CRTC3: variants seen among roughly 807,000 people sequenced by gnomAD.
CRTC3 encodes the protein CREB regulated transcription coactivator 3.
In CRTC3, 26 loss-of-function variants were observed where a neutral mutation model predicts 74.5. That is an observed-to-expected ratio of 0.35 (90% CI 0.26 to 0.48). The LOEUF (loss-of-function observed/expected upper bound fraction) is 0.48, where lower values mean the gene tolerates loss of function less well. Ranked by LOEUF, CRTC3 falls within the 20% of genes least tolerant of loss-of-function variation. CRTC3 has a pLI of 0.99. For synonymous variants in CRTC3, 377 were observed against 325.8 expected (o/e 1.16, Z -1.69); for missense variants, 760 against 787.3 (o/e 0.97, Z 0.41).
At chr15:90,580,851 C>A (rs1184094128) in intron 2 of CRTC3, among the ~76,000 whole-genome samples, 1 of 152,084 alleles carries the variant, frequency 6.6e-6, no homozygotes. Context: ...GGGACCAGTT[C>A]TTCCATTTTT....
At chr15:90,558,203 C>G (rs1332037358) in intron 2 of CRTC3, among the ~76,000 whole-genome samples, 1 of 152,144 alleles carries the variant, frequency 6.6e-6, no homozygotes, top group East Asian at 1.9e-4. Context: ...AAAAATGTAT[C>G]TAGAATCTGA....
At chr15:90,605,246 T>C (rs1037509256) in intron 5 of CRTC3, among the ~76,000 whole-genome samples, 2 of 152,168 alleles carry the variant, frequency 1.3e-5, no homozygotes. Context: ...AGAGAGACGC[T>C]GTCTCAAAAT....
intron 11 of CRTC3, chr15:90,634,706 G>A (rs1034824214): frequency 2.9e-5 from 20 of 691,294 alleles, no homozygotes; most frequent in Non-Finnish European, 4.7e-5. Flanking sequence ...CGGAGTATGA[G>A]ACTGAGGCGA....
Position 90,630,756 on chromosome 15 carries a change from ATTTTTTTTTTT to A in CRTC3, c.1266+1246_1266+1256del, listed in dbSNP as rs1175467073. Among the ~76,000 whole-genome samples, 186 of 23,626 alleles carry A rather than the reference ATTTTTTTTTTT, an allele frequency of 7.9e-3. 7 individuals carry two copies. Among genetic ancestry groups the A allele is most frequent in the African/African-American group, 0.018 (168 of 9,406 alleles). The allele number at this position is 23,626 out of a possible 152,430, so 15.5% of individuals were successfully genotyped here. ...CACATCCTCTGTCTATTACAGCATC[ATTTTTTTTTTT>A]TTTTTTTTTTTTTTTTTTTTTGAGA... On this transcript the variant is annotated intron_variant, in intron 11 of 14. Coordinates refer to ENST00000268184, the MANE Select transcript of CRTC3 (RefSeq NM_022769.5).
At chr15:90,580,834 G>A (rs772531660) in intron 2 of CRTC3, among the ~76,000 whole-genome samples, 2 of 152,018 alleles carry the variant, frequency 1.3e-5, no homozygotes, top group Non-Finnish European at 2.9e-5. Context: ...TGGAGAATCT[G>A]GTTTCAGGGA....
At chr15:90,584,975 T>C (rs192616224) in intron 2 of CRTC3, among the ~76,000 whole-genome samples, 19 of 152,296 alleles carry the variant, frequency 1.2e-4, no homozygotes, top group African/African-American at 4.3e-4. Flanking sequence ...AAATATTAAG[T>C]TAGATACTTA....
At chr15:90,560,594 A>C (rs1421938255) in intron 2 of CRTC3, among the ~76,000 whole-genome samples, 1 of 152,216 alleles carries the variant, frequency 6.6e-6, no homozygotes, top group Admixed American at 6.5e-5. Flanking sequence ...CACATAATTC[A>C]TATGGTCAAA....
At chr15:90,632,399 C>A (rs2151094496) in intron 11 of CRTC3, among the ~76,000 whole-genome samples, 1 of 152,074 alleles carries the variant, frequency 6.6e-6, no homozygotes, top group East Asian at 1.9e-4. Flanking sequence ...AGTTCAAGAC[C>A]AGCCTTGGCA....
At chr15:90,553,048 C>T (rs1488089705) in intron 2 of CRTC3, among the ~76,000 whole-genome samples, 1 of 152,178 alleles carries the variant, frequency 6.6e-6, no homozygotes, top group East Asian at 1.9e-4. Context: ...TGACCTTGGG[C>T]TTCTGCATGA....
intron 2 of CRTC3, among the ~76,000 whole-genome samples, chr15:90,589,347 G>A (rs1238007139): frequency 2.0e-5 from 3 of 149,460 alleles, no homozygotes; most frequent in East Asian, 2.0e-4. Flanking sequence ...GAGCCATGGC[G>A]CCCAGCCTGT....
intron 1 of CRTC3, among the ~76,000 whole-genome samples, chr15:90,533,123 G>C (rs1331852015): frequency 8.5e-6 from 1 of 118,308 alleles, no homozygotes; most frequent in Non-Finnish European, 1.8e-5. Context: ...AAAAAAAAAG[G>C]CCGGGCGCGG....
At chr15:90,571,071 TAATA>T (rs1967252158) in intron 2 of CRTC3, among the ~76,000 whole-genome samples, 1 of 152,230 alleles carries the variant, frequency 6.6e-6, no homozygotes, top group African/African-American at 2.4e-5. Context: ...ATTTTTTTAA[TAATA>T]AAAGTCCAAT....
intron 3 of CRTC3, chr15:90,600,719 T>A (rs563677745): frequency 6.6e-6 from 1 of 152,234 alleles, no homozygotes; most frequent in African/African-American, 2.4e-5. Context: ...TGCTTAGATA[T>A]CTGTTTTCAA....
intron 9 of CRTC3, among the ~76,000 whole-genome samples, chr15:90,621,932 G>A (rs1440037747): frequency 1.3e-5 from 2 of 152,212 alleles, no homozygotes; most frequent in Non-Finnish European, 2.9e-5. Flanking sequence ...TAATAATCTA[G>A]TAGAGCAAGA....
intron 1 of CRTC3, among the ~76,000 whole-genome samples, chr15:90,531,069 TG>T: frequency 6.9e-6 from 1 of 144,316 alleles, no homozygotes; most frequent in East Asian, 2.0e-4. Context: ...CTGCAGATTC[TG>T]GGGGACTGAG....
intron 2 of CRTC3, among the ~76,000 whole-genome samples, chr15:90,580,400 C>G (rs1192685150): frequency 3.3e-5 from 5 of 151,636 alleles, no homozygotes; most frequent in Admixed American, 6.6e-5. Flanking sequence ...TCCTTAGTGT[C>G]AGTCCCGCTG....
chr15:90,557,929 A>C (rs371745554), intron 2 of CRTC3, among the ~76,000 whole-genome samples: 1 of 152,054 alleles, frequency 6.6e-6, no homozygotes, highest in African/African-American at 2.4e-5. Context: ...AGGGATTGAA[A>C]TCGTGCCCTG....
chr15:90,640,167 G>A (rs1157259261), intron 13 of CRTC3, among the ~76,000 whole-genome samples: 1 of 152,184 alleles, frequency 6.6e-6, no homozygotes, highest in Non-Finnish European at 1.5e-5. Flanking sequence ...TTCCCAAAGA[G>A]CCATTTTAGT....
intron 2 of CRTC3, among the ~76,000 whole-genome samples, chr15:90,589,151 G>A (rs1004046566): frequency 6.6e-6 from 1 of 151,882 alleles, no homozygotes; most frequent in African/African-American, 2.4e-5. Flanking sequence ...CCGCCTCCCG[G>A]GTTCAAGCGA....
Sources: gnomAD v4.1 joint callset for allele counts (sites outside exome capture counted in the v4.1 genomes callset) on GRCh38, gnomAD v4.1.1 for gene constraint, MANE v1.5 for transcripts, NCBI Gene and HGNC (gene_info 2026-07-23, HGNC 2026-07-21) for gene names.